MALRD1: variants seen among roughly 807,000 people sequenced by gnomAD.
MALRD1 encodes the protein MAM and LDL-receptor class A domain-containing protein 1.
In MALRD1, 247 loss-of-function variants were observed where a neutral mutation model predicts 242.1. The observed-to-expected ratio is 1.02, with a 90% CI of 0.92 to 1.13. The LOEUF (loss-of-function observed/expected upper bound fraction) is 1.13, where lower values mean the gene tolerates loss of function less well. MALRD1 is among the 50% of genes most tolerant of loss of function. The pLI is 0.00. For synonymous variants in MALRD1, 995 were observed against 866.6 expected, an observed-to-expected ratio of 1.15 and a Z score of -2.60; for missense variants, 2,989 against 2,533.1, an observed-to-expected ratio of 1.18 and a Z score of -3.86.
At chr10:19,160,140 T>A (rs550123097) in intron 12 of MALRD1, among the ~76,000 whole-genome samples, 1 of 152,328 alleles carries the variant, frequency 6.6e-6, no homozygotes, top group East Asian at 1.9e-4. Flanking sequence ...TTACTTAACT[T>A]GTTTTGAATG....
chr10:19,283,042 A>G lies in MALRD1; in HGVS notation c.3280A>G (p.Lys1094Glu). ...SCVMEVCSFEKRSLCKWYQPI... is the reference protein window; with the variant it reads ...SCVMEVCSFEERSLCKWYQPI... ...AGTTATGGAAGTTTGCAGCTTTGAG[A>G]AAAGAAGCCTGTGTAAATGGTATCA... The change falls in exon 21 of 40, where the codon AAA becomes GAA. Residue 1094 changes from lysine (K) to glutamate (E), a missense_variant. Transcript: ENST00000454679. The G allele has an allele frequency of 6.5e-7, 1 of 1,547,628 alleles. No homozygotes were observed. The highest frequency in any genetic ancestry group is 1.2e-5 in the South Asian group (1 of 83,586).
chr10:19,418,508 A>C (rs1313130416), intron 28 of MALRD1, among the ~76,000 whole-genome samples: 1 of 152,018 alleles, frequency 6.6e-6, no homozygotes, highest in Non-Finnish European at 1.5e-5. Flanking sequence ...CATTTTAAGG[A>C]ATGTTTGTTT....
chr10:19,415,190 A>G (rs984096185), intron 28 of MALRD1, among the ~76,000 whole-genome samples: 1 of 152,182 alleles, frequency 6.6e-6, no homozygotes, highest in African/African-American at 2.4e-5. Context: ...AGATACAATA[A>G]TTTTTAAATG....
At chr10:19,245,032 T>A (rs1243735775) in intron 18 of MALRD1, among the ~76,000 whole-genome samples, 1 of 152,178 alleles carries the variant, frequency 6.6e-6, no homozygotes, top group Non-Finnish European at 1.5e-5. Flanking sequence ...GCTTGCATCA[T>A]TGCTGGAGCA....
At chr10:19,400,417 G>A (rs191295025) in intron 28 of MALRD1, among the ~76,000 whole-genome samples, 2 of 152,258 alleles carry the variant, frequency 1.3e-5, no homozygotes, top group African/African-American at 4.8e-5. Context: ...GCTGCATGAT[G>A]ACTGAGTATG....
Position 19,734,275 on chromosome 10 carries a change from T to A in MALRD1, c.*38T>A. The A allele has an allele frequency of 2.7e-6, 4 of 1,494,334 alleles. No homozygotes were observed. The highest frequency in any genetic ancestry group is 3.6e-6 in the Non-Finnish European group (4 of 1,110,594). The allele number at this position is 1,494,334 out of a possible 1,614,324, so 92.6% of individuals were successfully genotyped here. On this transcript the variant is annotated 3_prime_UTR_variant, in exon 40 of 40. Coordinates refer to ENST00000454679, the MANE Select transcript of MALRD1 (RefSeq NM_001142308.3). Reference sequence around the variant, plus strand: ...CAAGTCTGATCCAACATGTGTAGTTTCTAGAAAATTGAAGTCTCCACAATC... The same window carrying A: ...CAAGTCTGATCCAACATGTGTAGTTACTAGAAAATTGAAGTCTCCACAATC...
At chr10:19,460,275 A>G (rs1427689842) in intron 29 of MALRD1, among the ~76,000 whole-genome samples, 1 of 152,192 alleles carries the variant, frequency 6.6e-6, no homozygotes, top group Admixed American at 6.5e-5. Context: ...GTTGAACTTG[A>G]GTAGATGTGG....
intron 28 of MALRD1, among the ~76,000 whole-genome samples, chr10:19,400,634 A>T (rs1846795755): frequency 1.3e-5 from 2 of 152,230 alleles, no homozygotes; most frequent in South Asian, 4.1e-4. Context: ...AAGAATTAAA[A>T]AGCTACTGAA....
intron 32 of MALRD1, among the ~76,000 whole-genome samples, chr10:19,557,279 T>C (rs904899809): frequency 1.3e-5 from 2 of 152,070 alleles, no homozygotes; most frequent in Admixed American, 1.3e-4. Flanking sequence ...TACATAGAAG[T>C]TTTTAATTTA....
chr10:19,619,869 G>A (rs57697705), intron 36 of MALRD1, among the ~76,000 whole-genome samples: 3,257 of 152,036 alleles, frequency 0.021, 96 homozygotes, highest in African/African-American at 0.073. Context: ...ATAAAGGCCA[G>A]GTTCAGTGGC....
At chr10:19,125,412 T>G (rs546348996) in intron 7 of MALRD1, among the ~76,000 whole-genome samples, 1 of 140,286 alleles carries the variant, frequency 7.1e-6, no homozygotes, top group South Asian at 2.4e-4. Context: ...CATCCATGCT[T>G]CCTTCCTTCC....
rs150524738 is a variant in MALRD1, at chr10:19,699,507, G to A, written c.6314+6953G>A. On this transcript the variant is annotated intron_variant, in intron 38 of 39. Transcript: ENST00000454679. ...ATGCCCTTCCTGGAGAGGGCAATAG[G>A]GGCAGGGTTGAGCTGAAGGTAGACA... 5.9e-3 allele frequency among the ~76,000 whole-genome samples: 902 copies of A among 152,182 alleles called. 10 individuals carry two copies. Among genetic ancestry groups the A allele is most frequent in the African/African-American group, 0.021 (863 of 41,528 alleles).
chr10:19,361,823 C>T (rs74676080), intron 26 of MALRD1, among the ~76,000 whole-genome samples: 6,033 of 152,108 alleles, frequency 0.04, 199 homozygotes, highest in African/African-American at 0.088. Context: ...TGATTTAGAT[C>T]ATCTGCATTT....
intron 2 of MALRD1, among the ~76,000 whole-genome samples, chr10:19,082,843 G>T (rs1835537711): frequency 6.6e-6 from 1 of 151,854 alleles, no homozygotes; most frequent in Non-Finnish European, 1.5e-5. Context: ...GTCAATTTTG[G>T]CTGCTAGAAC....
rs561227556 is a variant in MALRD1, at chr10:19,334,410, T to TA, written c.3901+2839dup. Reference sequence around the variant, plus strand: ...ATCACTTTTGTGTATAACTGAATCTTAAAAAAAAAAACTTAATGTTTTTAC... The same window carrying TA: ...ATCACTTTTGTGTATAACTGAATCTTAAAAAAAAAAAACTTAATGTTTTTAC... On this transcript the variant is annotated intron_variant, in intron 24 of 39. Transcript: ENST00000454679. Among the ~76,000 whole-genome samples, 1,111 of 146,130 alleles carry TA rather than the reference T, an allele frequency of 7.6e-3. 4 individuals carry two copies. The highest frequency in any genetic ancestry group is 0.011 in the Non-Finnish European group (701 of 65,870).
intron 30 of MALRD1, among the ~76,000 whole-genome samples, chr10:19,492,500 C>T (rs898341073): frequency 2.0e-5 from 3 of 152,146 alleles, no homozygotes; most frequent in African/African-American, 7.2e-5. Flanking sequence ...TCCAAGATGA[C>T]TTCTTCTCTT....
At chr10:19,260,333 T>G (rs1250172743) in intron 19 of MALRD1, among the ~76,000 whole-genome samples, 1 of 152,172 alleles carries the variant, frequency 6.6e-6, no homozygotes, top group African/African-American at 2.4e-5. Flanking sequence ...TGTAATTTCA[T>G]GTAGCTCTAA....
chr10:19,450,650 G>A (rs1472435849), intron 29 of MALRD1, among the ~76,000 whole-genome samples, 160 bp downstream of exon 29: 3 of 152,196 alleles, frequency 2.0e-5, no homozygotes, highest in Non-Finnish European at 2.9e-5. Context: ...AAAACTGTAT[G>A]TTGAGATAAT....
At chr10:19,429,806 T>G (rs1834048981) in intron 28 of MALRD1, among the ~76,000 whole-genome samples, 1 of 152,194 alleles carries the variant, frequency 6.6e-6, no homozygotes, top group Non-Finnish European at 1.5e-5. Context: ...ATCTTCAATG[T>G]GACCCTTCAA....
Sources: gnomAD v4.1 joint callset for allele counts (sites outside exome capture counted in the v4.1 genomes callset) on GRCh38, gnomAD v4.1.1 for gene constraint, MANE v1.5 for transcripts, NCBI Gene and HGNC (gene_info 2026-07-23, HGNC 2026-07-21) for gene names.